Variants in MAGI2 observed in about 807,000 individuals in gnomAD.
MAGI2 encodes the protein membrane-associated guanylate kinase, WW and PDZ domain-containing protein 2.
In MAGI2, 35 loss-of-function variants were observed where a neutral mutation model predicts 133.3. The ratio of observed to expected loss-of-function variants is 0.26; its 90% CI spans 0.20 to 0.35. The LOEUF (loss-of-function observed/expected upper bound fraction) is 0.35. Among genes scored for constraint, MAGI2 ranks in the 10% least tolerant of loss-of-function variants. MAGI2 has a pLI of 1.00. For synonymous variants in MAGI2, 729 were observed against 710.6 expected (o/e 1.03, Z -0.41); for missense variants, 1,636 against 1,863.4 (o/e 0.88, Z 2.25).
chr7:78,460,967 C>T (rs1789919275), intron 6 of MAGI2, among the ~76,000 whole-genome samples: 1 of 151,626 alleles, frequency 6.6e-6, no homozygotes, highest in South Asian at 2.1e-4. Context: ...CACACACTCT[C>T]ACACACACAC....
intron 1 of MAGI2, among the ~76,000 whole-genome samples, chr7:79,036,222 C>T (rs145703312): frequency 5.9e-5 from 9 of 152,284 alleles, no homozygotes; most frequent in African/African-American, 2.2e-4. Flanking sequence ...ATCTAAAAAA[C>T]ATTAAAAGGT....
At chr7:79,014,282 T>C (rs934510866) in intron 1 of MAGI2, among the ~76,000 whole-genome samples, 7 of 152,186 alleles carry the variant, frequency 4.6e-5, no homozygotes, top group African/African-American at 1.7e-4. Flanking sequence ...TCAAACTAAA[T>C]GTTAGAGTTG....
At position 79,022,089 on chromosome 7, in the gene MAGI2, C is replaced by T. The variant is rs117509280; in HGVS notation, c.302-14883G>A. 2.2e-4 allele frequency among the ~76,000 whole-genome samples: 33 copies of T among 152,270 alleles called. No individual in the cohort carries two copies. In the East Asian group the frequency reaches 5.2e-3, roughly 24 times the overall value. ...TATAAGTTTCCTGAGGCCTCTCCAG[C>T]CATGTGGAACTTTGAGTCAATTAAA... is the stretch of plus-strand genomic sequence containing the variant. On this transcript the variant is annotated intron_variant, in intron 1 of 21. Coordinates refer to ENST00000354212, the MANE Select transcript of MAGI2 (RefSeq NM_012301.4).
chr7:78,960,238 C>A (rs1001362975), intron 2 of MAGI2, among the ~76,000 whole-genome samples: 3 of 152,020 alleles, frequency 2.0e-5, no homozygotes, highest in African/African-American at 7.2e-5. Flanking sequence ...CAAACATTTA[C>A]TAACTTGGAT....
chr7:78,563,358 T>G (rs1261427158), intron 3 of MAGI2, among the ~76,000 whole-genome samples: 1 of 152,090 alleles, frequency 6.6e-6, no homozygotes, highest in Non-Finnish European at 1.5e-5. Context: ...TGCTCAAAGG[T>G]CACCTGGGGC....
chr7:79,438,961 G>A (rs527555874), intron 1 of MAGI2, among the ~76,000 whole-genome samples: 1 of 152,214 alleles, frequency 6.6e-6, no homozygotes, highest in East Asian at 1.9e-4. Flanking sequence ...TCAGTACAAT[G>A]TCCATAATTT....
rs993177340 is a variant in MAGI2 at position 79,182,267 on chromosome 7, G to T, written c.302-175061C>A. Among the ~76,000 whole-genome samples the T allele has an allele frequency of 1.2e-4, 19 of 152,040 alleles. 1 individual carries two copies. Among genetic ancestry groups the T allele is most frequent in the African/African-American group, 4.6e-4 (19 of 41,376 alleles). ...AATTTACAAAAGAAAGAGGTTTATT[G>T]GATTAACAGTTCCACATAATTGGGG... On this transcript the variant is annotated intron_variant, in intron 1 of 21. Transcript: ENST00000354212.
intron 1 of MAGI2, chr7:79,353,617 C>A: frequency 2.5e-6 from 1 of 400,238 alleles, no homozygotes. Context: ...TCACAAGGAG[C>A]AGGTGCTGGA....
At chr7:78,946,165 T>C (rs1642888) in intron 2 of MAGI2, among the ~76,000 whole-genome samples, 61,003 of 152,032 alleles carry the variant, frequency 0.4, 12,535 homozygotes, top group Admixed American at 0.47. Flanking sequence ...AATATAATTG[T>C]TAGTTAGCAT....
At chr7:78,814,062 A>G (rs1789337584) in intron 2 of MAGI2, among the ~76,000 whole-genome samples, 1 of 152,130 alleles carries the variant, frequency 6.6e-6, no homozygotes, top group African/African-American at 2.4e-5. Flanking sequence ...CCATTTTTGG[A>G]TGTTATTGTC....
chr7:78,716,996 C>T (rs1254969201), intron 2 of MAGI2, among the ~76,000 whole-genome samples: 4 of 152,144 alleles, frequency 2.6e-5, no homozygotes, highest in Admixed American at 1.3e-4. Flanking sequence ...GAAGAAACAT[C>T]TTGTGGGACA....
intron 1 of MAGI2, among the ~76,000 whole-genome samples, chr7:79,376,931 C>A (rs1462914726): frequency 6.6e-6 from 1 of 151,284 alleles, no homozygotes; most frequent in Non-Finnish European, 1.5e-5. Context: ...TTGGGAAATG[C>A]AAATATCAAT....
intron 16 of MAGI2, among the ~76,000 whole-genome samples, chr7:78,142,461 C>A (rs1259239968): frequency 2.6e-5 from 4 of 152,136 alleles, no homozygotes; most frequent in African/African-American, 2.4e-5. Context: ...CTCCCCTGTA[C>A]ATCACTAGAA....
At chr7:78,125,012 C>G (rs745738885) in intron 20 of MAGI2, among the ~76,000 whole-genome samples, 1 of 151,956 alleles carries the variant, frequency 6.6e-6, no homozygotes. Context: ...TACAGGCGCC[C>G]GCCACCACGC....
chr7:79,306,331 T>C (rs902695990), intron 1 of MAGI2, among the ~76,000 whole-genome samples: 5 of 147,808 alleles, frequency 3.4e-5, no homozygotes, highest in Non-Finnish European at 7.4e-5. Flanking sequence ...TGTGTATATA[T>C]ATATATATTT....
At chr7:78,535,876 C>G (rs78304488) in intron 3 of MAGI2, among the ~76,000 whole-genome samples, 4 of 147,598 alleles carry the variant, frequency 2.7e-5, no homozygotes, top group Non-Finnish European at 4.5e-5. Flanking sequence ...GTGTACACCC[C>G]CCCCGCCCAC....
chr7:79,004,220 G>A (rs764709381), intron 2 of MAGI2, among the ~76,000 whole-genome samples: 1 of 152,010 alleles, frequency 6.6e-6, no homozygotes, highest in Admixed American at 6.6e-5. Context: ...TGTCCATCAA[G>A]GGACAAATGG....
At chr7:79,139,235 C>T (rs1821895495) in intron 1 of MAGI2, among the ~76,000 whole-genome samples, 1 of 152,080 alleles carries the variant, frequency 6.6e-6, no homozygotes. Flanking sequence ...ATGTTTGTAA[C>T]CCAAGTTCCT....
intron 1 of MAGI2, among the ~76,000 whole-genome samples, chr7:79,067,038 G>T (rs1282458130): frequency 6.6e-6 from 1 of 152,108 alleles, no homozygotes; most frequent in African/African-American, 2.4e-5. Context: ...GAAACAGGTG[G>T]CATGATGCCT....
Sources: gnomAD v4.1 joint callset for allele counts (sites outside exome capture counted in the v4.1 genomes callset) on GRCh38, gnomAD v4.1.1 for gene constraint, MANE v1.5 for transcripts, NCBI Gene and HGNC (gene_info 2026-07-23, HGNC 2026-07-21) for gene names.